The following TDP1 variants were observed in gnomAD, a reference collection of about 807,000 sequenced individuals.
TDP1 encodes the protein tyr-DNA phosphodiesterase 1.
Under a neutral mutation model 81.5 loss-of-function variants are expected in TDP1, and 64 were observed. The ratio of observed to expected loss-of-function variants is 0.79; its 90% CI spans 0.64 to 0.97. The LOEUF (loss-of-function observed/expected upper bound fraction) is 0.97. Ranked by LOEUF, TDP1 falls within the 50% of genes least tolerant of loss-of-function variation. The pLI, the probability that TDP1 is intolerant of heterozygous loss-of-function variation, is 0.00. For missense variants in TDP1, 723 were observed against 743.8 expected (o/e 0.97, Z 0.33); for synonymous variants, 256 against 264.3 (o/e 0.97, Z 0.30).
At chr14:89,963,083 T>C (rs1892521416) in intron 2 of TDP1, 25 bp from the exon 3 acceptor site, 1 of 1,614,072 alleles carries the variant, frequency 6.2e-7, no homozygotes, top group Non-Finnish European at 8.5e-7. Flanking sequence ...TGGGAAATGC[T>C]GATGTTTCCA....
chr14:89,977,914 G>A (rs181850735), intron 7 of TDP1, among the ~76,000 whole-genome samples: 2 of 152,326 alleles, frequency 1.3e-5, no homozygotes, highest in East Asian at 3.9e-4. Flanking sequence ...TTTAGAATGG[G>A]AAAGCTCTTT....
intron 2 of TDP1, among the ~76,000 whole-genome samples, chr14:89,959,916 C>T (rs1291888098): frequency 6.6e-6 from 1 of 152,130 alleles, no homozygotes; most frequent in East Asian, 1.9e-4. Flanking sequence ...TTATGGTAGC[C>T]TCTTAAGATT....
At chr14:90,026,680 A>G (rs1044628604) in intron 15 of TDP1, among the ~76,000 whole-genome samples, 6 of 152,042 alleles carry the variant, frequency 3.9e-5, no homozygotes, top group South Asian at 2.1e-4. Context: ...TCATTGTTCA[A>G]TTTCCACCTA....
intron 14 of TDP1, among the ~76,000 whole-genome samples, chr14:89,997,683 C>T (rs763700765): frequency 2.6e-5 from 4 of 152,156 alleles, no homozygotes; most frequent in Admixed American, 6.5e-5. Context: ...ATCAGGTGGG[C>T]TTTTCATGCC....
At chr14:90,004,929 T>C (rs116792625) in intron 14 of TDP1, among the ~76,000 whole-genome samples, 5,923 of 152,248 alleles carry the variant, frequency 0.039, 377 homozygotes, top group African/African-American at 0.13. Context: ...AGTGGAAACC[T>C]TCCTTGTGCT....
At chr14:90,013,759 T>C (rs1403448826) in intron 14 of TDP1, among the ~76,000 whole-genome samples, 5 of 152,208 alleles carry the variant, frequency 3.3e-5, no homozygotes, top group Non-Finnish European at 7.3e-5. Flanking sequence ...TAATTAAATC[T>C]TAGGGGCAGT....
At chr14:90,012,306 T>C (rs969156633) in intron 14 of TDP1, among the ~76,000 whole-genome samples, 6 of 151,990 alleles carry the variant, frequency 3.9e-5, no homozygotes, top group Admixed American at 3.3e-4. Context: ...TAAGTGTTTA[T>C]GGCTTTTCCA....
intron 4 of TDP1, among the ~76,000 whole-genome samples, chr14:89,966,512 C>T (rs995242595): frequency 6.6e-6 from 1 of 152,184 alleles, no homozygotes; most frequent in Non-Finnish European, 1.5e-5. Context: ...ACTGAGTTAA[C>T]TCTGGTGCAT....
chr14:89,979,443 G>A (rs1894732835), intron 7 of TDP1, among the ~76,000 whole-genome samples: 1 of 151,938 alleles, frequency 6.6e-6, no homozygotes, highest in Non-Finnish European at 1.5e-5. Context: ...CTTAGTAGCT[G>A]TGATTACAGG....
At chr14:89,992,421 A>C (rs919191149) in intron 13 of TDP1, among the ~76,000 whole-genome samples, 1 of 152,196 alleles carries the variant, frequency 6.6e-6, no homozygotes, top group Non-Finnish European at 1.5e-5. Context: ...AGAGTTCAGT[A>C]AATGCTGAGT....
intron 15 of TDP1, chr14:90,032,618 A>T: frequency 2.5e-6 from 1 of 400,046 alleles, no homozygotes; most frequent in Non-Finnish European, 3.4e-6. Context: ...CCATTTTGAT[A>T]GGTCTTAAAG....
intron 14 of TDP1, among the ~76,000 whole-genome samples, chr14:90,014,708 A>G (rs1006458795): frequency 6.6e-6 from 1 of 152,236 alleles, no homozygotes; most frequent in Admixed American, 6.5e-5. Context: ...CAGTGGACGT[A>G]TGTTCCCATA....
chr14:89,996,199 A>G (rs1474817782), intron 14 of TDP1, among the ~76,000 whole-genome samples: 3 of 152,132 alleles, frequency 2.0e-5, no homozygotes, highest in African/African-American at 7.2e-5. Context: ...ACCTTTCTGA[A>G]ACATAGAGTT....
At chr14:89,981,574 C>CG in intron 8 of TDP1, 1 of 435,638 alleles carries the variant, frequency 2.3e-6, no homozygotes, top group Non-Finnish European at 4.6e-6. Context: ...CACGTTTTCT[C>CG]TGTCATCCTC....
rs757314572 is a variant in TDP1 at position 89,998,420 on chromosome 14, A to ATATGTATG, written c.1541+4953_1541+4960dup. Among the ~76,000 whole-genome samples, 168 of 79,192 alleles carry ATATGTATG rather than the reference A, an allele frequency of 2.1e-3. 2 individuals are homozygous for ATATGTATG. The highest frequency in any genetic ancestry group is 8.6e-3 in the African/African-American group (133 of 15,552). The allele number at this position is 79,192 out of a possible 152,430, so 52.0% of individuals were successfully genotyped here. ...TATATATATATATATATATATATATATATGTATGTATGTATGTATGTATAT... is the reference window on the plus strand; with the variant it reads ...TATATATATATATATATATATATATATATGTATGTATGTATGTATGTATGTATGTATAT... On this transcript the variant is annotated intron_variant, in intron 14 of 16. Coordinates refer to ENST00000335725, the MANE Select transcript of TDP1 (RefSeq NM_018319.4).
rs546246518 is a variant in TDP1, at chr14:89,992,462, C to G, written c.1433+479C>G. Among the ~76,000 whole-genome samples, 219 of 152,280 alleles carry G rather than the reference C, an allele frequency of 1.4e-3. 2 individuals are homozygous for G. The highest frequency in any genetic ancestry group is 1.9e-3 in the Non-Finnish European group (129 of 68,030). Reference sequence around the variant, plus strand: ...AGTGAAGGGAATGTCCTTCACCCTCCTCCAGCCACAGCAGTTGCACAGCCT... The same window carrying G: ...AGTGAAGGGAATGTCCTTCACCCTCGTCCAGCCACAGCAGTTGCACAGCCT... On this transcript the variant is annotated intron_variant, in intron 13 of 16. Transcript: ENST00000335725.
chr14:90,030,766 T>A (rs1381963707), intron 15 of TDP1, among the ~76,000 whole-genome samples: 2 of 148,578 alleles, frequency 1.3e-5, no homozygotes, highest in Non-Finnish European at 2.9e-5. Context: ...TATCTCATTT[T>A]TACTCTTTTT....
chr14:90,042,992 G>C, intron 16 of TDP1, 78 bp from the exon 17 acceptor site: 3 of 1,610,458 alleles, frequency 1.9e-6, no homozygotes, highest in Non-Finnish European at 2.5e-6. Context: ...AAGCACATAA[G>C]TGTTTTTATG....
chr14:90,032,701 T>G (rs1265082085), intron 15 of TDP1: 1 of 979,774 alleles, frequency 1.0e-6, no homozygotes, highest in East Asian at 1.1e-4. Context: ...CTTTTATTTC[T>G]TCTTACTCCA....
Sources: allele counts gnomAD v4.1 joint callset (sites outside exome capture counted in the v4.1 genomes callset), GRCh38; gene constraint gnomAD v4.1.1; transcripts MANE v1.5; gene names NCBI Gene and HGNC (gene_info 2026-07-23, HGNC 2026-07-21).